The following FSTL4 variants were observed in gnomAD, a reference collection of about 807,000 sequenced individuals.
FSTL4 encodes follistatin-related protein 4.
Under a neutral mutation model 78.2 loss-of-function variants are expected in FSTL4, and 28 were observed. The ratio of observed to expected loss-of-function variants is 0.36; its 90% CI spans 0.27 to 0.49. FSTL4 has a LOEUF of 0.49. Ranked by LOEUF, FSTL4 falls within the 20% of genes least tolerant of loss-of-function variation. FSTL4 has a pLI of 0.98. For missense variants in FSTL4, 922 were observed against 1,084.9 expected, an observed-to-expected ratio of 0.85 and a Z score of 2.11; for synonymous variants, 422 against 440.5, an observed-to-expected ratio of 0.96 and a Z score of 0.53.
At chr5:133,416,900 T>C (rs1266336515) in intron 3 of FSTL4, among the ~76,000 whole-genome samples, 1 of 152,216 alleles carries the variant, frequency 6.6e-6, no homozygotes, top group Non-Finnish European at 1.5e-5. Flanking sequence ...CGAGGACATA[T>C]TAAGACAGCT....
At chr5:133,489,756 C>T (rs890398921) in intron 3 of FSTL4, among the ~76,000 whole-genome samples, 1 of 152,158 alleles carries the variant, frequency 6.6e-6, no homozygotes, top group African/African-American at 2.4e-5. Flanking sequence ...CTTGGCTCTA[C>T]CTGTAGGGCC....
the FSTL4 span, among the ~76,000 whole-genome samples, chr5:133,695,264 T>C: frequency 1.3e-5 from 2 of 152,172 alleles, no homozygotes; most frequent in African/African-American, 4.8e-5. Flanking sequence ...CTTTCCCTCA[T>C]GGTTGCAAAC....
intron 4 of FSTL4, among the ~76,000 whole-genome samples, chr5:133,346,178 T>C (rs1364957209): frequency 6.6e-6 from 1 of 151,696 alleles, no homozygotes; most frequent in African/African-American, 2.4e-5. Context: ...TACTCATAAG[T>C]GGGAGTTGAA....
At position 133,293,128 on chromosome 5, in the gene FSTL4, C is replaced by T. The variant is rs566806480; in HGVS notation, c.727+19526G>A. ...CACAGGGCCTGACCCTGCCTTCCGG[C>T]ACCCCCAGAGCTAAGAAGGAGAGGC... On this transcript the variant is annotated intron_variant, in intron 6 of 15. Coordinates refer to ENST00000265342, the MANE Select transcript of FSTL4 (RefSeq NM_015082.2). Among the ~76,000 whole-genome samples the T allele has an allele frequency of 1.0e-3, 155 of 152,340 alleles. 3 individuals are homozygous for T. Among genetic ancestry groups the T allele is most frequent in the African/African-American group, 3.4e-3 (142 of 41,566 alleles).
At chr5:133,671,812 G>T in the FSTL4 span, among the ~76,000 whole-genome samples, 1 of 152,232 alleles carries the variant, frequency 6.6e-6, no homozygotes, top group Non-Finnish European at 1.5e-5. Flanking sequence ...AAATAAGGAA[G>T]AGGAACAGGC....
chr5:133,538,639 CTTAT>C (rs1267862891), intron 3 of FSTL4, among the ~76,000 whole-genome samples: 2 of 151,890 alleles, frequency 1.3e-5, no homozygotes, highest in African/African-American at 2.4e-5. Context: ...TGTCCATCTA[CTTAT>C]TTATTCATTT....
chr5:133,548,537 A>G (rs1244120186), intron 3 of FSTL4, among the ~76,000 whole-genome samples: 6 of 152,336 alleles, frequency 3.9e-5, no homozygotes, highest in Non-Finnish European at 8.8e-5. Flanking sequence ...TCTAAACATG[A>G]ACAGCAAAAA....
chr5:133,666,836 T>TTTTCAAAGTAA, the FSTL4 span, among the ~76,000 whole-genome samples: 1 of 152,244 alleles, frequency 6.6e-6, no homozygotes, highest in African/African-American at 2.4e-5. Flanking sequence ...AAAGGTTTCT[T>TTTTCAAAGTAA]AAGTGTTGTC....
chr5:133,694,162 T>C, the FSTL4 span, among the ~76,000 whole-genome samples: 29 of 152,294 alleles, frequency 1.9e-4, no homozygotes, highest in African/African-American at 6.7e-4. Flanking sequence ...ATGAAAAGCA[T>C]CAACTGATGC....
At chr5:133,655,217 T>C in the FSTL4 span, among the ~76,000 whole-genome samples, 3 of 152,156 alleles carry the variant, frequency 2.0e-5, no homozygotes, top group African/African-American at 7.2e-5. Flanking sequence ...TTTCTCTTCT[T>C]CCCCATAATT....
At chr5:133,650,462 TC>T in the FSTL4 span, among the ~76,000 whole-genome samples, 1 of 152,362 alleles carries the variant, frequency 6.6e-6, no homozygotes, top group Non-Finnish European at 1.5e-5. Flanking sequence ...TGACACATTT[TC>T]AGTTAATTTT....
At chr5:133,502,827 ATTTC>A (rs1758528618) in intron 3 of FSTL4, among the ~76,000 whole-genome samples, 1 of 152,264 alleles carries the variant, frequency 6.6e-6, no homozygotes, top group South Asian at 2.1e-4. Flanking sequence ...AGTCTCAGGT[ATTTC>A]TTTATAGCAC....
intron 4 of FSTL4, among the ~76,000 whole-genome samples, chr5:133,352,050 T>G (rs963467065): frequency 1.3e-5 from 2 of 151,926 alleles, no homozygotes; most frequent in South Asian, 4.1e-4. Flanking sequence ...TTTTTGTTGT[T>G]CTCAACTTTT....
At chr5:133,241,785 G>A (rs958264748) in intron 7 of FSTL4, among the ~76,000 whole-genome samples, 4 of 152,150 alleles carry the variant, frequency 2.6e-5, no homozygotes, top group Admixed American at 2.6e-4. Flanking sequence ...TCTTCCTGGG[G>A]ATCCTTGGAT....
chr5:133,597,064 G>A (rs1016804328), intron 2 of FSTL4, among the ~76,000 whole-genome samples: 8 of 152,054 alleles, frequency 5.3e-5, no homozygotes, highest in East Asian at 1.9e-4. Flanking sequence ...CAGTGTTCTC[G>A]GTGTCGCCTG....
chr5:133,646,649 G>T, the FSTL4 span, among the ~76,000 whole-genome samples: 4 of 152,132 alleles, frequency 2.6e-5, no homozygotes, highest in East Asian at 5.8e-4. Context: ...AGAGGAGATG[G>T]ATTGAGGACA....
intron 4 of FSTL4, among the ~76,000 whole-genome samples, chr5:133,352,846 A>G (rs1003311042): frequency 5.9e-5 from 9 of 152,196 alleles, no homozygotes; most frequent in African/African-American, 1.2e-4. Context: ...AAAAAATCCA[A>G]TTCACTGTTA....
chr5:133,827,842 T>C, the FSTL4 span, among the ~76,000 whole-genome samples: 4 of 151,852 alleles, frequency 2.6e-5, no homozygotes, highest in African/African-American at 9.7e-5. Flanking sequence ...TGGGCACAAC[T>C]GGGGGTCTTG....
intron 3 of FSTL4, chr5:133,458,454 C>T (rs913719544): frequency 6.6e-6 from 1 of 152,244 alleles, no homozygotes; most frequent in African/African-American, 2.4e-5. Context: ...CCTTCCTCCC[C>T]GTTCTCTGTC....
Sources: allele counts gnomAD v4.1 joint callset (sites outside exome capture counted in the v4.1 genomes callset), GRCh38; gene constraint gnomAD v4.1.1; transcripts MANE v1.5; gene names NCBI Gene and HGNC (gene_info 2026-07-23, HGNC 2026-07-21).